The following DMD variants were observed in gnomAD, a reference collection of about 807,000 sequenced individuals.
DMD encodes mutant dystrophin.
Under a neutral mutation model 330.1 loss-of-function variants are expected in DMD, and 63 were observed. That is an observed-to-expected ratio of 0.19 (90% CI 0.16 to 0.24). The LOEUF is 0.24. DMD is among the 10% of genes least tolerant of loss of function. The pLI is 1.00. For missense variants in DMD, 3,344 were observed against 2,684.1 expected (o/e 1.25, Z -5.43); for synonymous variants, 1,223 against 959.8 (o/e 1.27, Z -5.07).
intron 7 of DMD, among the ~76,000 whole-genome samples, chrX:32,704,942 C>T (rs1048599782): frequency 4.5e-5 from 5 of 111,898 alleles, no homozygotes; most frequent in South Asian, 3.7e-4. Context: ...GGCTTGCATA[C>T]GAAGAGATTT....
At chrX:32,548,246 T>C (rs1603636016) in intron 16 of DMD, among the ~76,000 whole-genome samples, 1 of 111,633 alleles carries the variant, frequency 9.0e-6, no homozygotes. Context: ...ATAGGGACGA[T>C]GATAATCACA....
intron 50 of DMD, among the ~76,000 whole-genome samples, chrX:31,814,203 C>T (rs764733728): frequency 1.2e-4 from 13 of 110,039 alleles, no homozygotes; most frequent in Non-Finnish European, 1.9e-4. Flanking sequence ...AACTCTGGGC[C>T]GGGCGCGGTG....
intron 49 of DMD, among the ~76,000 whole-genome samples, chrX:31,822,653 G>GGGGTGTGTGTGTGTGTGTGTGT (rs58903799): frequency 2.6e-4 from 17 of 65,807 alleles, no homozygotes; most frequent in Admixed American, 6.8e-4. Context: ...AAGGCAGAGG[G>GGGGTGTGTGTGTGTGTGTGTGT]GTGTGTGTGT....
At chrX:32,268,009 GAA>G (rs1458975090) in intron 43 of DMD, among the ~76,000 whole-genome samples, 5 of 112,249 alleles carry the variant, frequency 4.5e-5, no homozygotes, top group African/African-American at 1.6e-4. Flanking sequence ...GGAAGAAATA[GAA>G]AGACACAGCC....
chrX:32,653,643 T>C (rs774534420), intron 9 of DMD, among the ~76,000 whole-genome samples: 2 of 112,119 alleles, frequency 1.8e-5, no homozygotes, highest in Admixed American at 9.4e-5. Context: ...CAATGTGGGC[T>C]CTTTTTTGGT....
At chrX:32,886,884 GAA>G (rs1477326142) in intron 2 of DMD, among the ~76,000 whole-genome samples, 1 of 111,741 alleles carries the variant, frequency 8.9e-6, no homozygotes, top group Non-Finnish European at 1.9e-5. Context: ...AAAAAAGGGT[GAA>G]AAGTCATAAA....
intron 47 of DMD, among the ~76,000 whole-genome samples, chrX:31,878,359 T>G (rs970706921): frequency 1.8e-5 from 2 of 112,073 alleles, no homozygotes; most frequent in African/African-American, 6.5e-5. Context: ...CTAAATATGA[T>G]GGACCTTCAC....
At chrX:32,774,326 T>C (rs1458802778) in intron 7 of DMD, among the ~76,000 whole-genome samples, 1 of 112,090 alleles carries the variant, frequency 8.9e-6, no homozygotes, top group Non-Finnish European at 1.9e-5. Flanking sequence ...GCTGTTTAAG[T>C]CCACAGTCAA....
chrX:32,356,160 G>A (rs768817149), intron 37 of DMD, among the ~76,000 whole-genome samples: 169 of 109,086 alleles, frequency 1.5e-3, no homozygotes, highest in Middle Eastern at 4.9e-3. Context: ...ATTTCCCACC[G>A]AAGTTTAGGA....
intron 12 of DMD, among the ~76,000 whole-genome samples, chrX:32,609,805 G>A (rs933437973): frequency 1.8e-5 from 2 of 110,521 alleles, no homozygotes; most frequent in South Asian, 3.8e-4. Context: ...TATTCACATC[G>A]GCAAATTCTT....
chrX:32,491,156 G>T, intron 20 of DMD, 121 bp downstream of exon 20: 1 of 915,761 alleles, frequency 1.1e-6, no homozygotes, highest in Non-Finnish European at 1.6e-6. Context: ...ACTTTATTGC[G>T]CTTAGCTAAA....
chrX:32,503,594 C>G (rs941016724), intron 18 of DMD, among the ~76,000 whole-genome samples: 1 of 111,397 alleles, frequency 9.0e-6, no homozygotes, highest in African/African-American at 3.3e-5. Context: ...CTCACTCTGT[C>G]GCCCAGGCTG....
At chrX:32,084,626 T>G (rs2096417336) in intron 44 of DMD, among the ~76,000 whole-genome samples, 1 of 111,835 alleles carries the variant, frequency 8.9e-6, no homozygotes, top group Admixed American at 9.6e-5. Flanking sequence ...CCAAATTGAA[T>G]ATGAATATCA....
intron 16 of DMD, 73 bp downstream of exon 16, chrX:32,565,629 T>C: frequency 2.8e-6 from 3 of 1,053,847 alleles, no homozygotes; most frequent in Non-Finnish European, 2.7e-6. Flanking sequence ...TGTAGGGTTA[T>C]AATGTCACTC....
At chrX:31,223,020 G>A in intron 64 of DMD, 27 bp downstream of exon 64, 1 of 1,179,354 alleles carries the variant, frequency 8.5e-7, no homozygotes, top group Non-Finnish European at 1.2e-6. Context: ...ATAGTATCAA[G>A]ATCTTCAAAT....
chrX:31,212,151 T>C (rs925370089), intron 64 of DMD, among the ~76,000 whole-genome samples: 2 of 55,064 alleles, frequency 3.6e-5, no homozygotes, highest in Non-Finnish European at 6.2e-5. Context: ...ATATATTATA[T>C]ATATATATAT....
At chrX:32,540,374 C>T (rs747027027) in intron 17 of DMD, among the ~76,000 whole-genome samples, 9 of 111,215 alleles carry the variant, frequency 8.1e-5, no homozygotes, top group Non-Finnish European at 9.4e-5. Flanking sequence ...ATTTAGGAAT[C>T]GACTAAATGT....
chrX:31,551,181 G>GA lies in DMD; in HGVS notation c.8218-43729dup, dbSNP rs10659535. The stretch of plus-strand genomic sequence containing the variant: ...GGTGCAGAGTGAGACTCCATCTCGG[G>GA]AAAAAAAAAAAAAAAAGAGGTATTT... On this transcript the variant is annotated intron_variant, in intron 55 of 78. Transcript: ENST00000357033. Among the ~76,000 whole-genome samples the GA allele has an allele frequency of 3.6e-3, 269 of 75,202 alleles. 5 individuals are homozygous for GA. The highest frequency in any genetic ancestry group is 9.0e-3 in the Admixed American group (54 of 5,991). The allele number at this position is 75,202 out of a possible 115,157, so 65.3% of individuals were successfully genotyped here.
intron 60 of DMD, among the ~76,000 whole-genome samples, chrX:31,385,549 CACA>C (rs1382237756): frequency 8.9e-6 from 1 of 111,903 alleles, no homozygotes; most frequent in African/African-American, 3.2e-5. Flanking sequence ...TTTGTAGGTA[CACA>C]TTAAGCGTAT....
Sources: gnomAD v4.1 joint callset for allele counts (sites outside exome capture counted in the v4.1 genomes callset) on GRCh38, gnomAD v4.1.1 for gene constraint, MANE v1.5 for transcripts, NCBI Gene and HGNC (gene_info 2026-07-23, HGNC 2026-07-21) for gene names.